ARHGEF9: variants seen among roughly 807,000 people sequenced by gnomAD.
ARHGEF9 encodes rho guanine nucleotide exchange factor 9.
A neutral mutation model predicts 41.3 loss-of-function variants in ARHGEF9; 2 were observed. The observed-to-expected ratio is 0.05, with a 90% confidence interval of 0.02 to 0.15. The LOEUF is 0.15. Among genes scored for constraint, ARHGEF9 ranks in the 10% least tolerant of loss-of-function variants. The pLI, the probability that ARHGEF9 is intolerant of heterozygous loss-of-function variation, is 1.00. For missense variants in ARHGEF9, 225 were observed against 424.7 expected (o/e 0.53, Z 4.13); for synonymous variants, 160 against 154.4 (o/e 1.04, Z -0.27).
intron 2 of ARHGEF9, among the ~76,000 whole-genome samples, chrX:63,719,312 C>T (rs1197040978): frequency 8.0e-5 from 9 of 112,226 alleles, no homozygotes; most frequent in African/African-American, 2.9e-4. Context: ...TATAGTGAAA[C>T]TCCTCTCAAG....
At chrX:63,681,287 G>A (rs1442948637) in intron 4 of ARHGEF9, among the ~76,000 whole-genome samples, 1 of 111,770 alleles carries the variant, frequency 8.9e-6, no homozygotes, top group African/African-American at 3.3e-5. Flanking sequence ...ACGCAGACAG[G>A]CTATCACACA....
At chrX:63,682,464 G>A (rs781946468) in intron 4 of ARHGEF9, among the ~76,000 whole-genome samples, 4 of 109,009 alleles carry the variant, frequency 3.7e-5, no homozygotes, top group Admixed American at 9.7e-5. Flanking sequence ...GCAGTGAGCC[G>A]ACATTGCGCC....
intron 9 of ARHGEF9, chrX:63,638,442 T>C: frequency 2.3e-6 from 1 of 427,031 alleles, no homozygotes. Flanking sequence ...TCAAAGAAAT[T>C]TGGGGTATTG....
At chrX:63,679,987 ATG>A (rs1206498397) in intron 4 of ARHGEF9, among the ~76,000 whole-genome samples, 2 of 112,685 alleles carry the variant, frequency 1.8e-5, no homozygotes, top group African/African-American at 6.4e-5. Flanking sequence ...GAATTTGGTT[ATG>A]TGTCAGGACA....
chrX:63,684,152 T>C (rs1556372833), intron 4 of ARHGEF9, among the ~76,000 whole-genome samples: 1 of 109,776 alleles, frequency 9.1e-6, no homozygotes, highest in Non-Finnish European at 1.9e-5. Context: ...GGAACTCACA[T>C]CACTTCACAG....
At chrX:63,701,782 A>T (rs1251332951) in intron 3 of ARHGEF9, 1 of 112,102 alleles carries the variant, frequency 8.9e-6, no homozygotes, top group South Asian at 3.7e-4. Flanking sequence ...AAGAAACTCC[A>T]TGAAAATGGG....
At chrX:63,755,614 G>C (rs1383025777) in intron 1 of ARHGEF9, among the ~76,000 whole-genome samples, 4 of 111,835 alleles carry the variant, frequency 3.6e-5, no homozygotes, top group Non-Finnish European at 7.5e-5. Flanking sequence ...AAACGGATAG[G>C]TAGCTGTGGA....
Position 63,674,140 on chromosome X carries a change from C to T in ARHGEF9, c.843G>A (p.Leu281=), listed in dbSNP as rs2050118139. ...HSDYRYVAAA[L]AVMRNVTQQI... ...GCTGAGTCACATTTCTCATGACAGC[C>T]AAAGCAGCTGCCACATACCTGTAGT... The change falls in exon 6 of 10, where the codon TTG becomes TTA. Residue 281 remains leucine (L), a synonymous_variant. Transcript: ENST00000671741. 2.5e-6 allele frequency: 3 copies of T among 1,210,760 alleles called. No individual in the cohort carries two copies. In the East Asian group the frequency reaches 8.9e-5, roughly 36 times the overall value.
At chrX:63,656,928 TAAAAAG>T (rs1409185121) in intron 7 of ARHGEF9, 2 of 112,109 alleles carry the variant, frequency 1.8e-5, no homozygotes, top group African/African-American at 6.5e-5. Context: ...TTTCATAAGT[TAAAAAG>T]GAAAATAGAG....
At chrX:63,686,745 G>A (rs1370007128) in intron 4 of ARHGEF9, among the ~76,000 whole-genome samples, 7 of 110,796 alleles carry the variant, frequency 6.3e-5, no homozygotes, top group Non-Finnish European at 7.6e-5. Context: ...AAAAGAACTA[G>A]CCACTGCCCA....
intron 1 of ARHGEF9, among the ~76,000 whole-genome samples, chrX:63,752,047 C>T (rs1556441677): frequency 8.9e-6 from 1 of 111,766 alleles, no homozygotes; most frequent in African/African-American, 3.3e-5. Flanking sequence ...TTATTGCTGT[C>T]CCAGTTTCCT....
intron 2 of ARHGEF9, among the ~76,000 whole-genome samples, chrX:63,716,306 G>A (rs782250589): frequency 7.3e-5 from 8 of 109,678 alleles, no homozygotes; most frequent in African/African-American, 2.3e-4. Context: ...AAAAAAAAAA[G>A]AAGAAGAAAT....
chrX:63,666,072 C>T (rs1423782060), intron 6 of ARHGEF9, 55 bp from the exon 7 acceptor site: 5 of 1,204,334 alleles, frequency 4.2e-6, no homozygotes, highest in Non-Finnish European at 4.5e-6. Flanking sequence ...GGCACCATCA[C>T]CTGCCTGGAG....
At chrX:63,775,630 A>G (rs1336465862) in intron 1 of ARHGEF9, among the ~76,000 whole-genome samples, 1 of 111,951 alleles carries the variant, frequency 8.9e-6, no homozygotes, top group Non-Finnish European at 1.9e-5. Flanking sequence ...CATTGAGTAC[A>G]CATGGACACA....
At chrX:63,671,379 C>A (rs782152545) in intron 6 of ARHGEF9, 3 of 112,046 alleles carry the variant, frequency 2.7e-5, no homozygotes, top group Non-Finnish European at 5.6e-5. Context: ...GGGGAGACTC[C>A]CCAGCACTCA....
At chrX:63,781,562 C>T (rs1556462142) in intron 1 of ARHGEF9, among the ~76,000 whole-genome samples, 3 of 111,892 alleles carry the variant, frequency 2.7e-5, no homozygotes, top group Middle Eastern at 4.6e-3. Context: ...AGGAGAAAGA[C>T]ACGTATCATC....
chrX:63,704,522 AT>A (rs1363162175), intron 3 of ARHGEF9, among the ~76,000 whole-genome samples: 1 of 111,858 alleles, frequency 8.9e-6, no homozygotes, highest in Non-Finnish European at 1.9e-5. Context: ...CCGAGGGGGA[AT>A]TTTTTTAGCA....
At chrX:63,761,779 G>A (rs1251641546) in intron 1 of ARHGEF9, among the ~76,000 whole-genome samples, 1 of 111,349 alleles carries the variant, frequency 9.0e-6, no homozygotes, top group African/African-American at 3.3e-5. Context: ...AAATACCTGA[G>A]TAAATACCCA....
chrX:63,777,863 C>T (rs1249907672), intron 1 of ARHGEF9, among the ~76,000 whole-genome samples: 1 of 112,760 alleles, frequency 8.9e-6, no homozygotes, highest in Non-Finnish European at 1.9e-5. Context: ...CAACTCTGCC[C>T]CTCTGGCTTT....
Sources: gnomAD v4.1 joint callset for allele counts (sites outside exome capture counted in the v4.1 genomes callset) on GRCh38, gnomAD v4.1.1 for gene constraint, MANE v1.5 for transcripts, NCBI Gene and HGNC (gene_info 2026-07-23, HGNC 2026-07-21) for gene names.